TRMT44: variants seen among roughly 807,000 people sequenced by gnomAD.
TRMT44 encodes probable tRNA (uracil-O(2)-)-methyltransferase.
TRMT44 carries 78 observed loss-of-function variants against 77.3 expected under a neutral mutation model. The observed-to-expected ratio is 1.01, with a 90% CI of 0.84 to 1.22. TRMT44 has a LOEUF of 1.22. Ranked by LOEUF, TRMT44 falls within the 50% of genes most tolerant of loss-of-function variation. TRMT44 has a pLI of 0.00. For missense variants in TRMT44, 1,090 were observed against 964.4 expected (o/e 1.13, Z -1.73); for synonymous variants, 391 against 383.3 (o/e 1.02, Z -0.23).
intron 2 of TRMT44, among the ~76,000 whole-genome samples, chr4:8,482,053 C>T (rs1304871048): frequency 6.6e-6 from 1 of 152,212 alleles, no homozygotes; most frequent in African/African-American, 2.4e-5. Context: ...AGGTGCGTGT[C>T]GAGGTCTGCA....
At chr4:8,476,557 A>G (rs1296124233), downstream of TRMT44, 3 of 154,800 alleles carry the variant, frequency 1.9e-5, no homozygotes, top group African/African-American at 7.2e-5. Flanking sequence ...ATTTCCTGAC[A>G]TGGGCCACTC....
At chr4:8,509,051 T>C in the TRMT44 span, 1 of 152,238 alleles carries the variant, frequency 6.6e-6, no homozygotes, top group African/African-American at 2.4e-5. Flanking sequence ...GGAGTTACTA[T>C]GGACACTGGA....
At position 8,441,043 on chromosome 4, in the gene TRMT44, C is replaced by T. The variant is rs1424104674; in HGVS notation, c.221C>T (p.Pro74Leu). The T allele has an allele frequency of 6.7e-7, 1 of 1,490,654 alleles. No individual in the cohort carries two copies. The highest frequency in any genetic ancestry group is 8.9e-7 in the Non-Finnish European group (1 of 1,127,116). The allele number at this position is 1,490,654 out of a possible 1,614,324, so 92.3% of individuals were successfully genotyped here. A position where few individuals can be genotyped will look rare whatever the true frequency, so the allele number is the denominator to read the frequency against. ...GAGCAGAAGGAGCGGGGTCCGGGAC[C>T]CGGCCAGGGTTCCCCCGGAGGGGGC... Reference protein sequence around the residue: ...GSEQKERGPGPGQGSPGGGPG... With the variant: ...GSEQKERGPGLGQGSPGGGPG... Residue 74 changes from proline to leucine, a missense_variant, in exon 1 of 11, where the codon CCC (proline) becomes CTC (leucine). By Grantham distance (98) the Pro-to-Leu change is moderately conservative. Transcript: ENST00000389737.
rs534886568 is a variant in TRMT44 at position 8,468,793 on chromosome 4, A to C, written c.1927+447A>C. Reference sequence around the variant, plus strand: ...TCATCCATGGCAAAAGGAGAAAATTACATCGATTGTTCTCATGGGGTGAGT... The same window carrying C: ...TCATCCATGGCAAAAGGAGAAAATTCCATCGATTGTTCTCATGGGGTGAGT... On this transcript the variant is annotated intron_variant, in intron 9 of 10. Coordinates refer to ENST00000389737, the MANE Select transcript of TRMT44 (RefSeq NM_152544.3). 8.8e-4 allele frequency among the ~76,000 whole-genome samples: 134 copies of C among 152,380 alleles called. 1 individual carries two copies. The highest frequency in any genetic ancestry group is 3.2e-3 in the African/African-American group (132 of 41,594).
chr4:8,499,076 C>T, the TRMT44 span, among the ~76,000 whole-genome samples: 22 of 152,240 alleles, frequency 1.4e-4, no homozygotes, highest in African/African-American at 5.1e-4. Flanking sequence ...GCAGCAGTGG[C>T]CTTCAGCCCA....
chr4:8,448,245 C>T (rs1313027106), intron 2 of TRMT44, among the ~76,000 whole-genome samples: 2 of 152,178 alleles, frequency 1.3e-5, no homozygotes, highest in African/African-American at 2.4e-5. Context: ...TGTCGATGTG[C>T]GTGCTTCTTC....
At chr4:8,459,313 C>T (rs1192293699) in intron 6 of TRMT44, among the ~76,000 whole-genome samples, 1 of 152,226 alleles carries the variant, frequency 6.6e-6, no homozygotes, top group Non-Finnish European at 1.5e-5. Context: ...TCATCCAGTG[C>T]TGTGTGTGGA....
chr4:8,454,939 C>G (rs977643719), intron 6 of TRMT44, 126 bp downstream of exon 6: 1 of 842,140 alleles, frequency 1.2e-6, no homozygotes, highest in Non-Finnish European at 2.0e-6. Context: ...TCACATTAAT[C>G]TAAGTGCTCT....
intron 2 of TRMT44, among the ~76,000 whole-genome samples, chr4:8,484,119 C>T (rs990834367): frequency 1.3e-5 from 2 of 152,132 alleles, no homozygotes; most frequent in Non-Finnish European, 2.9e-5. Context: ...CCTGCCTTTG[C>T]TGGTGTGTGG....
Position 8,452,601 on chromosome 4 carries a change from G to T in TRMT44, c.1024-281G>T, listed in dbSNP as rs1166010666. Among the ~76,000 whole-genome samples the T allele has an allele frequency of 6.6e-6, 1 of 152,148 alleles. No individual in the cohort carries two copies. The highest frequency in any genetic ancestry group is 1.9e-4 in the East Asian group (1 of 5,190). The stretch of plus-strand genomic sequence containing the variant: ...AATACAAAATTAGCCAGGCGTGGTG[G>T]CAGGAGCCCATAGTTCCAGCTACTG... On this transcript the variant is annotated intron_variant, in intron 4 of 10. Transcript: ENST00000389737. This position sits in a 1 kb window ranked among gnomAD's most constrained non-coding sequence, Gnocchi z 5.7.
At position 8,468,241 on chromosome 4, in the gene TRMT44, T is replaced by C; in HGVS notation, c.1822T>C (p.Phe608Leu). The C allele has an allele frequency of 6.2e-7, 1 of 1,614,200 alleles. No individual in the cohort carries two copies. Among genetic ancestry groups the C allele is most frequent in the Non-Finnish European group, 8.5e-7 (1 of 1,180,020 alleles). ...VRNCAALPRD[F>L]IDQVVLQVAN... ...GAACTGTGCCGCCCTGCCACGAGAT[T>C]TTATTGACCAAGTGGTTTTGCAAGT... is the stretch of plus-strand genomic sequence containing the variant. The change falls in exon 9 of 11, where the codon TTT becomes CTT. Residue 608 changes from phenylalanine to leucine, a missense_variant. Phe to Leu is a conservative substitution (Grantham distance 22). Coordinates refer to ENST00000389737, the MANE Select transcript of TRMT44 (RefSeq NM_152544.3).
the TRMT44 span, among the ~76,000 whole-genome samples, chr4:8,514,767 G>T: frequency 6.6e-6 from 1 of 152,100 alleles, no homozygotes. Flanking sequence ...TCACTGAGTT[G>T]AACGGTTTTG....
rs1201702962 is a variant in TRMT44 at position 8,476,026 on chromosome 4, T to C, written c.*25T>C. 2 of 1,607,620 alleles carry C rather than the reference T, an allele frequency of 1.2e-6. No individual in the cohort carries two copies. The highest frequency in any genetic ancestry group is 1.7e-4 in the Middle Eastern group (1 of 6,030). Reference sequence around the variant, plus strand: ...AGCTGCATCCTTGCCAGCCGAGGCCTGGTTGGGGAGGCCAAACCAAGGAGA... The same window carrying C: ...AGCTGCATCCTTGCCAGCCGAGGCCCGGTTGGGGAGGCCAAACCAAGGAGA... On this transcript the variant is annotated 3_prime_UTR_variant, in exon 11 of 11. Coordinates refer to ENST00000389737, the MANE Select transcript of TRMT44 (RefSeq NM_152544.3).
the TRMT44 span, among the ~76,000 whole-genome samples, chr4:8,498,887 C>T: frequency 6.6e-6 from 1 of 152,218 alleles, no homozygotes; most frequent in Non-Finnish European, 1.5e-5. The surrounding 1 kb of genome is among the most constrained non-coding windows in gnomAD (Gnocchi z 4.3). Context: ...ACGGGGCCCT[C>T]TATATTTGTC....
chr4:8,445,868 C>A lies in TRMT44; in HGVS notation c.620-608C>A, dbSNP rs116447230. Among the ~76,000 whole-genome samples, 455 of 152,138 alleles carry A rather than the reference C, an allele frequency of 3.0e-3. 2 individuals are homozygous for A. Among genetic ancestry groups the A allele is most frequent in the South Asian group, 0.016 (76 of 4,816 alleles). ...TTTTTTTTAATATCAAAGGTAAACA[C>A]GATTGATTTTAGAGATAGAACTTTA... On this transcript the variant is annotated intron_variant, in intron 1 of 10. Transcript: ENST00000389737.
chr4:8,482,609 C>G (rs931664622), intron 2 of TRMT44, among the ~76,000 whole-genome samples: 3 of 152,074 alleles, frequency 2.0e-5, no homozygotes, highest in Non-Finnish European at 2.9e-5. Flanking sequence ...GCAAGGTGCT[C>G]AGTGGAGGTG....
chr4:8,464,055 A>G lies in TRMT44; in HGVS notation c.1274A>G (p.Asp425Gly), dbSNP rs769175487. 3 of 1,614,152 alleles carry G rather than the reference A, an allele frequency of 1.9e-6. No individual in the cohort carries two copies. The highest frequency in any genetic ancestry group is 2.2e-5 in the South Asian group (2 of 91,054). ...GATTGGTTAATCGGTAACCATTCTG[A>G]TGAACTCACACCATGGATACCTGTC... Reference protein sequence around the residue: ...DVDWLIGNHSDELTPWIPVIA... With the variant: ...DVDWLIGNHSGELTPWIPVIA... The change falls in exon 7 of 11, where the codon GAT (aspartate) becomes GGT (glycine). Residue 425 changes from aspartate to glycine, a missense_variant. By Grantham distance (94) the Asp-to-Gly change is moderately conservative (BLOSUM62 -1). Transcript: ENST00000389737.
At chr4:8,475,444 A>C (rs1321258072) in intron 10 of TRMT44, among the ~76,000 whole-genome samples, 2 of 152,080 alleles carry the variant, frequency 1.3e-5, no homozygotes, top group Admixed American at 1.3e-4. Context: ...CTGTCCCTCG[A>C]ATGTGGCCAG....
chr4:8,487,690 G>A (rs918786826), intron 2 of TRMT44, among the ~76,000 whole-genome samples: 11 of 152,058 alleles, frequency 7.2e-5, no homozygotes, highest in East Asian at 5.8e-4. Context: ...ACCACTAAGC[G>A]TGAAGGAGAA....
Sources: allele counts gnomAD v4.1 joint callset (sites outside exome capture counted in the v4.1 genomes callset), GRCh38; gene constraint gnomAD v4.1.1; non-coding constraint Gnocchi (gnomAD v3.1); transcripts MANE v1.5; gene names NCBI Gene and HGNC (gene_info 2026-07-23, HGNC 2026-07-21).